Variants in THADA observed in about 807,000 individuals in gnomAD.
The protein encoded by THADA is tRNA (32-2'-O)-methyltransferase regulator THADA.
A neutral mutation model predicts 219.8 loss-of-function variants in THADA; 213 were observed. The ratio of observed to expected loss-of-function variants is 0.97; its 90% CI spans 0.87 to 1.09. The LOEUF (loss-of-function observed/expected upper bound fraction) is 1.09. THADA is among the 50% of genes least tolerant of loss of function. The pLI is 0.00. For missense variants in THADA, 2,956 were observed against 2,311.3 expected (o/e 1.28, Z -5.72); for synonymous variants, 1,018 against 828.9 (o/e 1.23, Z -3.92).
rs773191166 is a variant in THADA, at chr2:43,549,249, C to T, written c.3067G>A (p.Ala1023Thr). The T allele has an allele frequency of 6.3e-6, 10 of 1,590,374 alleles. No homozygotes were observed. The highest frequency in any genetic ancestry group is 3.6e-5 in the Admixed American group (2 of 55,260). ...GAAGTATCAATATTCACCACACTAGCATTCAAGTCCTTCATATCAAAGCTA... is the reference window on the plus strand; with the variant it reads ...GAAGTATCAATATTCACCACACTAGTATTCAAGTCCTTCATATCAAAGCTA... ...HDSFDMKDLN[A>T]SVVNIDTSTE... The change falls in exon 20 of 38, where the codon GCT (alanine) becomes ACT (threonine). Residue 1023 changes from alanine to threonine, a missense_variant. By Grantham distance (58) the Ala-to-Thr change is moderately conservative. Transcript: ENST00000405975.
At chr2:43,559,382 G>A (rs890677663) in intron 16 of THADA, among the ~76,000 whole-genome samples, 1 of 152,154 alleles carries the variant, frequency 6.6e-6, no homozygotes, top group Non-Finnish European at 1.5e-5. Flanking sequence ...TATCCTCTCT[G>A]GCATGTGATC....
At chr2:43,434,308 A>C (rs72881022) in intron 26 of THADA, among the ~76,000 whole-genome samples, 2,865 of 152,322 alleles carry the variant, frequency 0.019, 43 homozygotes, top group African/African-American at 0.047. Flanking sequence ...CACTGATATG[A>C]GAAGAGGGCA....
At chr2:43,410,652 A>G (rs1424747119) in intron 28 of THADA, among the ~76,000 whole-genome samples, 1 of 152,006 alleles carries the variant, frequency 6.6e-6, no homozygotes, top group Admixed American at 6.6e-5. Flanking sequence ...ATCCTGTATG[A>G]GTCCGTTTAC....
chr2:43,559,823 C>G (rs1697843449), intron 16 of THADA, among the ~76,000 whole-genome samples: 1 of 152,198 alleles, frequency 6.6e-6, no homozygotes, highest in Non-Finnish European at 1.5e-5. Context: ...CTCATTTACA[C>G]TCAGTTTCTC....
intron 31 of THADA, among the ~76,000 whole-genome samples, chr2:43,297,459 A>G (rs1315729488): frequency 1.2e-5 from 1 of 85,838 alleles, no homozygotes; most frequent in Admixed American, 9.9e-5. Context: ...GGGGGGGGTC[A>G]GCCCCCCGCC....
intron 29 of THADA, among the ~76,000 whole-genome samples, chr2:43,385,821 G>A (rs1317405031): frequency 6.6e-6 from 1 of 151,086 alleles, no homozygotes; most frequent in African/African-American, 2.4e-5. Context: ...GCTGGCACTT[G>A]TAAACTCTTC....
chr2:43,512,744 C>T (rs377279728), intron 22 of THADA, among the ~76,000 whole-genome samples: 4 of 152,178 alleles, frequency 2.6e-5, no homozygotes, highest in Non-Finnish European at 2.9e-5. Context: ...TCAGGTGATC[C>T]GCCTGCCTCG....
In THADA at chr2:43,556,378, G is replaced by T. The variant is rs1697347136; in HGVS notation, c.2641C>A (p.Pro881Thr). ...GTGTTCCTTTCCACCACAGCAGCAG[G>T]CCTATCTCCATTATCACATGCAACT... ...QQVACDNGDR[P>T]AAVVERNTLM... Residue 881 changes from proline to threonine, a missense_variant, in exon 17 of 38, where the codon CCT becomes ACT. By Grantham distance (38) the Pro-to-Thr change is conservative. Coordinates refer to ENST00000405975, the MANE Select transcript of THADA (RefSeq NM_022065.5). 6.2e-7 allele frequency: 1 copy of T among 1,613,812 alleles called. No individual in the cohort carries two copies. The highest frequency in any genetic ancestry group is 8.5e-7 in the Non-Finnish European group (1 of 1,179,822).
intron 31 of THADA, among the ~76,000 whole-genome samples, chr2:43,293,991 A>G (rs1675057805): frequency 6.6e-6 from 1 of 152,350 alleles, no homozygotes; most frequent in South Asian, 2.1e-4. Context: ...CATATGGAGC[A>G]CAAAGTCAAC....
chr2:43,525,112 C>CA (rs892149199), intron 22 of THADA, among the ~76,000 whole-genome samples: 4 of 152,080 alleles, frequency 2.6e-5, no homozygotes, highest in Non-Finnish European at 5.9e-5. Context: ...ACATAAAAAA[C>CA]AAAAAAACTT....
rs185723808 is a variant in THADA at position 43,380,896 on chromosome 2, C to T, written c.4227+17075G>A. Among the ~76,000 whole-genome samples, 22 of 151,960 alleles carry T rather than the reference C, an allele frequency of 1.4e-4. No homozygotes were observed. In the East Asian group the frequency reaches 1.7e-3, roughly 12 times the overall value. ...GGTGGATCACCTGAGGTTAGGAGTT[C>T]GAGACCAGCCTGGCCAACATGCTGA... On this transcript the variant is annotated intron_variant, in intron 29 of 37. Coordinates refer to ENST00000405975, the MANE Select transcript of THADA (RefSeq NM_022065.5).
chr2:43,554,332 TC>T (rs1238486178), intron 17 of THADA, among the ~76,000 whole-genome samples: 1 of 152,222 alleles, frequency 6.6e-6, no homozygotes, highest in Non-Finnish European at 1.5e-5. Context: ...CATGTACATG[TC>T]CAGTTATACC....
intron 17 of THADA, among the ~76,000 whole-genome samples, chr2:43,553,929 G>A (rs1260911163): frequency 6.6e-6 from 1 of 152,184 alleles, no homozygotes; most frequent in Non-Finnish European, 1.5e-5. Flanking sequence ...TTGGAAAAAT[G>A]TCTATTCAGA....
chr2:43,338,280 C>T (rs1025549040), intron 30 of THADA, among the ~76,000 whole-genome samples: 3 of 151,898 alleles, frequency 2.0e-5, no homozygotes, highest in African/African-American at 7.3e-5. Flanking sequence ...CTTCAGCCTC[C>T]CAAGTAGCTG....
intron 35 of THADA, among the ~76,000 whole-genome samples, chr2:43,280,478 A>C (rs1362264574): frequency 6.6e-6 from 1 of 152,108 alleles, no homozygotes; most frequent in Non-Finnish European, 1.5e-5. Context: ...CTAAAAATAC[A>C]AAAATTAGCT....
intron 29 of THADA, among the ~76,000 whole-genome samples, chr2:43,386,554 T>A (rs949462336): frequency 7.9e-5 from 12 of 152,268 alleles, no homozygotes; most frequent in Admixed American, 3.3e-4. Context: ...GACATTTACA[T>A]ATATGAGGCA....
At chr2:43,406,698 T>C (rs920445303) in intron 28 of THADA, among the ~76,000 whole-genome samples, 7 of 152,224 alleles carry the variant, frequency 4.6e-5, no homozygotes, top group African/African-American at 1.7e-4. Context: ...AAATAACCAC[T>C]ACACTTAGTT....
chr2:43,431,809 C>T (rs1278052730), intron 26 of THADA, among the ~76,000 whole-genome samples: 1 of 63,044 alleles, frequency 1.6e-5, no homozygotes, highest in Non-Finnish European at 2.8e-5. Flanking sequence ...GGACTACAGG[C>T]GCCCGCCACC....
At chr2:43,276,552 A>G (rs1672745138) in intron 36 of THADA, among the ~76,000 whole-genome samples, 1 of 152,178 alleles carries the variant, frequency 6.6e-6, no homozygotes, top group African/African-American at 2.4e-5. Context: ...ATGCTTGCCT[A>G]TTCTACAGGT....
Sources: allele counts gnomAD v4.1 joint callset (sites outside exome capture counted in the v4.1 genomes callset), GRCh38; gene constraint gnomAD v4.1.1; transcripts MANE v1.5; gene names NCBI Gene and HGNC (gene_info 2026-07-23, HGNC 2026-07-21).